ADGRF5: variants seen among roughly 807,000 people sequenced by gnomAD.
ADGRF5 encodes adhesion G protein-coupled receptor F5.
A neutral mutation model predicts 132.3 loss-of-function variants in ADGRF5; 75 were observed. That is an observed-to-expected ratio of 0.57 (90% CI 0.47 to 0.69). The LOEUF is 0.69. Among genes scored for constraint, ADGRF5 ranks in the 30% least tolerant of loss-of-function variants. The pLI is 0.00. For missense variants in ADGRF5, 1,516 were observed against 1,630.6 expected, an observed-to-expected ratio of 0.93 and a Z score of 1.21; for synonymous variants, 629 against 597.6, an observed-to-expected ratio of 1.05 and a Z score of -0.77.
chr6:46,881,481 T>C lies in ADGRF5; in HGVS notation c.788A>G (p.Tyr263Cys). 1.9e-6 allele frequency: 3 copies of C among 1,613,514 alleles called. No homozygotes were observed. Among genetic ancestry groups the C allele is most frequent in the Non-Finnish European group, 1.7e-6 (2 of 1,179,430 alleles). The stretch of plus-strand genomic sequence containing the variant: ...GATAGTAACTGCTTGAAAGGAGTTG[T>C]AGTCCATTTTGTAGGTCTGATTGAG... Reference protein sequence around the residue: ...QSLNQTYKMDYNSFQAVTINE... With the variant: ...QSLNQTYKMDCNSFQAVTINE... Residue 263 changes from tyrosine (Y) to cysteine (C), a missense_variant, in exon 8 of 21, where the codon TAC (tyrosine) becomes TGC (cysteine). Transcript: ENST00000283296.
intron 2 of ADGRF5, among the ~76,000 whole-genome samples, chr6:46,905,800 A>G (rs1379214090): frequency 2.0e-5 from 3 of 152,260 alleles, no homozygotes; most frequent in African/African-American, 7.2e-5. Context: ...GGAAAACATT[A>G]CTACAATAAG....
Position 46,856,056 on chromosome 6 carries a change from T to G in ADGRF5, c.3879A>C (p.Ser1293=). Residue 1293 remains serine (S), a splice_region_variant and synonymous_variant, in exon 20 of 21, where the codon TCA becomes TCC. Coordinates refer to ENST00000283296, the MANE Select transcript of ADGRF5 (RefSeq NM_001098518.2). The part of the protein sequence containing the change: ...LSRWSSQHSK[S]TSLGSSTPVF... ...CAGGTGTGGATGAACCCAGGGATGT[T>G]GACTAGAAGAGAGAAAAAAAGGGAC... 4 of 1,505,116 alleles carry G rather than the reference T, an allele frequency of 2.7e-6. No homozygotes were observed. The highest frequency in any genetic ancestry group is 3.6e-6 in the Non-Finnish European group (4 of 1,110,862). 93.2% of individuals were successfully genotyped at this position (1,505,116 alleles called of 1,614,324 possible). A position where few individuals can be genotyped will look rare whatever the true frequency, so the allele number is the denominator to read the frequency against.
chr6:46,925,810 A>C (rs532967295), upstream of ADGRF5, among the ~76,000 whole-genome samples: 1 of 152,354 alleles, frequency 6.6e-6, no homozygotes, highest in Admixed American at 6.5e-5. Context: ...CACACAAGCA[A>C]AATTATTAAC....
At position 46,869,077 on chromosome 6, in the gene ADGRF5, G is replaced by C; in HGVS notation, c.1427C>G (p.Thr476Ser). 5.0e-6 allele frequency: 8 copies of C among 1,613,750 alleles called. No individual in the cohort carries two copies. The highest frequency in any genetic ancestry group is 6.8e-6 in the Non-Finnish European group (8 of 1,179,786). ...TFISVANLTI[T>S]PDPISVSEGQ... Reference sequence around the variant, plus strand: ...CTCAGAAACAGAAATTGGGTCCGGGGTTATTGTTAGATTGGCTGAAAAAAA... The same window carrying C: ...CTCAGAAACAGAAATTGGGTCCGGGCTTATTGTTAGATTGGCTGAAAAAAA... The change falls in exon 12 of 21, where the codon ACC becomes AGC. Residue 476 changes from threonine (T) to serine (S), a missense_variant. Physicochemically the swap from Thr to Ser is moderately conservative, Grantham distance 58. Coordinates refer to ENST00000283296, the MANE Select transcript of ADGRF5 (RefSeq NM_001098518.2).
At chr6:46,877,650 A>T (rs1771967286) in intron 10 of ADGRF5, among the ~76,000 whole-genome samples, 1 of 152,128 alleles carries the variant, frequency 6.6e-6, no homozygotes, top group Admixed American at 6.6e-5. Context: ...TTGAAAACAA[A>T]AGCTAACAGG....
At chr6:46,942,086 C>A (rs1778111658) in intron 1 of ADGRF5, among the ~76,000 whole-genome samples, 1 of 152,294 alleles carries the variant, frequency 6.6e-6, no homozygotes, top group South Asian at 2.1e-4. Context: ...TCTGCCAACT[C>A]TCACTGTCCT....
intron 14 of ADGRF5, 92 bp from the exon 15 acceptor site, chr6:46,863,188 G>C (rs1430227754): frequency 1.1e-6 from 1 of 950,962 alleles, no homozygotes; most frequent in Admixed American, 1.9e-5. Flanking sequence ...TTTGATGTTT[G>C]AATTCACATT....
chr6:46,953,763 A>C (rs1031001087), intron 1 of ADGRF5, among the ~76,000 whole-genome samples: 4 of 147,776 alleles, frequency 2.7e-5, no homozygotes, highest in African/African-American at 1.0e-4. Flanking sequence ...GATAGAATGG[A>C]GGGAGACTGT....
Position 46,858,567 on chromosome 6 carries a change from G to C in ADGRF5, c.3336C>G (p.Phe1112Leu). The change falls in exon 17 of 21, where the codon TTC becomes TTG. Residue 1112 changes from phenylalanine to leucine, a missense_variant. By Grantham distance (22) the Phe-to-Leu change is conservative (BLOSUM62 0). Around this residue, in one of 2 missense-constraint regions of ADGRF5, gnomAD observed 571 missense variants for 701.2 expected, o/e 0.81. Coordinates refer to ENST00000283296, the MANE Select transcript of ADGRF5 (RefSeq NM_001098518.2). ...CATGCAGAATGAAAACCAGGCGATA[G>C]AACAGCATGAGGCCCAGTGTCAGCA... ...FWMLTLGLML[F>L]YRLVFILHET... 2 of 1,613,994 alleles carry C rather than the reference G, an allele frequency of 1.2e-6. No individual in the cohort carries two copies. Among genetic ancestry groups the C allele is most frequent in the Non-Finnish European group, 1.7e-6 (2 of 1,179,938 alleles).
chr6:46,880,142 C>T (rs1243196471), intron 8 of ADGRF5, 103 bp from the exon 9 acceptor site: 1 of 778,046 alleles, frequency 1.3e-6, no homozygotes, highest in Non-Finnish European at 2.2e-6. Context: ...ATCTTGACAG[C>T]ATCTGTGGTG....
chr6:46,877,265 TTCTTTCTTTCTTTCTTTCTTTCTTTC>T (rs1401984510), intron 10 of ADGRF5, among the ~76,000 whole-genome samples: 28 of 38,944 alleles, frequency 7.2e-4, no homozygotes, highest in African/African-American at 3.9e-3. Flanking sequence ...CTTTCTTTCT[TTCTTTCTTTCTTTCTTTCTTTCTTTC>T]TCTCTCTCTC....
intron 1 of ADGRF5, among the ~76,000 whole-genome samples, chr6:46,940,544 T>C (rs949165305): frequency 2.6e-5 from 4 of 152,046 alleles, no homozygotes; most frequent in African/African-American, 7.2e-5. Context: ...GAGACACAGA[T>C]CTCATATTTC....
chr6:46,941,177 A>T (rs1372701389), intron 1 of ADGRF5, among the ~76,000 whole-genome samples: 1 of 151,960 alleles, frequency 6.6e-6, no homozygotes, highest in Non-Finnish European at 1.5e-5. Flanking sequence ...TCTACAAACA[A>T]TAAAAAGCCA....
At chr6:46,895,986 C>T (rs1418624384) in intron 3 of ADGRF5, among the ~76,000 whole-genome samples, 1 of 152,090 alleles carries the variant, frequency 6.6e-6, no homozygotes, top group Non-Finnish European at 1.5e-5. Context: ...CCTTCATCCC[C>T]AAGTCACATC....
At chr6:46,925,876 T>C (rs1777220831), upstream of ADGRF5, among the ~76,000 whole-genome samples, 1 of 152,222 alleles carries the variant, frequency 6.6e-6, no homozygotes, top group Non-Finnish European at 1.5e-5. Flanking sequence ...TGTGAAATTC[T>C]CCTACCTTCA....
intron 14 of ADGRF5, 136 bp from the exon 15 acceptor site, chr6:46,863,232 C>A: frequency 1.3e-6 from 1 of 753,476 alleles, no homozygotes; most frequent in Non-Finnish European, 2.3e-6. Context: ...TCAGAACTAC[C>A]CAATTTCTTA....
chr6:46,870,239 A>G (rs934247418), intron 11 of ADGRF5, among the ~76,000 whole-genome samples: 6 of 152,024 alleles, frequency 3.9e-5, no homozygotes, highest in African/African-American at 1.2e-4. Context: ...TGCAGCCTCA[A>G]TCTTCTGGGC....
At position 46,867,078 on chromosome 6, in the gene ADGRF5, T is replaced by G; in HGVS notation, c.1681A>C (p.Ile561Leu). ...AGCTTTAGAGGCAGCGGGTGAACAA[T>G]GACGTCTTTGGTTGCAATACTGTAT... ...NSYSIATKDV[I>L]VHPLPLKLNI... The change falls in exon 13 of 21, where the codon ATT becomes CTT. Residue 561 changes from isoleucine (I) to leucine (L), a missense_variant. Ile to Leu is a conservative substitution (Grantham distance 5). Transcript: ENST00000283296. 1 of 1,613,814 alleles carries G rather than the reference T, an allele frequency of 6.2e-7. No individual in the cohort carries two copies. Among genetic ancestry groups the G allele is most frequent in the Non-Finnish European group, 8.5e-7 (1 of 1,179,732 alleles).
At chr6:46,917,255 T>C (rs1204656270) in intron 1 of ADGRF5, among the ~76,000 whole-genome samples, 3 of 152,248 alleles carry the variant, frequency 2.0e-5, no homozygotes, top group African/African-American at 4.8e-5. Context: ...CTGACCTTTA[T>C]GGCATATTGT....
Sources: gnomAD v4.1 joint callset for allele counts (sites outside exome capture counted in the v4.1 genomes callset) on GRCh38, gnomAD v4.1.1 for gene constraint, gnomAD v4.1.1 regional missense constraint, MANE v1.5 for transcripts, NCBI Gene and HGNC (gene_info 2026-07-23, HGNC 2026-07-21) for gene names.